DNAJC1: variants seen among roughly 807,000 people sequenced by gnomAD.
DNAJC1 encodes the protein DnaJ heat shock protein family (Hsp40) member C1.
DNAJC1 carries 58 observed loss-of-function variants against 76.6 expected under a neutral mutation model. The observed-to-expected ratio is 0.76, with a 90% CI of 0.61 to 0.94. The LOEUF is 0.94. Ranked by LOEUF, DNAJC1 falls within the 40% of genes least tolerant of loss-of-function variation. The pLI, the probability that DNAJC1 is intolerant of heterozygous loss-of-function variation, is 0.00. For synonymous variants in DNAJC1, 258 were observed against 267.9 expected, an observed-to-expected ratio of 0.96 and a Z score of 0.36; for missense variants, 689 against 677.3, an observed-to-expected ratio of 1.02 and a Z score of -0.19.
intron 1 of DNAJC1, among the ~76,000 whole-genome samples, chr10:21,953,799 G>T (rs1590064931): frequency 8.2e-6 from 1 of 121,486 alleles, no homozygotes; most frequent in African/African-American, 3.3e-5. Flanking sequence ...CCATCAAGTG[G>T]TAAAAAACTA....
At chr10:21,840,357 C>T (rs931738902) in intron 8 of DNAJC1, among the ~76,000 whole-genome samples, 18 of 152,258 alleles carry the variant, frequency 1.2e-4, no homozygotes, top group African/African-American at 4.1e-4. Context: ...AAAACCCCAT[C>T]GTCTCGGCCC....
intron 9 of DNAJC1, among the ~76,000 whole-genome samples, chr10:21,802,553 C>A (rs754799620): frequency 6.6e-6 from 1 of 152,112 alleles, no homozygotes; most frequent in African/African-American, 2.4e-5. Context: ...TATAACTACA[C>A]ACCCCTTACC....
chr10:21,791,876 A>C (rs960144931), intron 9 of DNAJC1, among the ~76,000 whole-genome samples: 1 of 152,166 alleles, frequency 6.6e-6, no homozygotes, highest in Non-Finnish European at 1.5e-5. Flanking sequence ...TAGAGTTCAG[A>C]GTAGAAATAA....
chr10:21,958,339 A>G (rs1837726875), intron 1 of DNAJC1, among the ~76,000 whole-genome samples: 1 of 152,102 alleles, frequency 6.6e-6, no homozygotes. Flanking sequence ...TTTTTAGTAC[A>G]TTTATATAGT....
At chr10:21,994,517 G>A (rs999695188) in intron 1 of DNAJC1, among the ~76,000 whole-genome samples, 2 of 152,068 alleles carry the variant, frequency 1.3e-5, no homozygotes, top group South Asian at 2.1e-4. Flanking sequence ...GGCCAGGCGC[G>A]GTGGCTCACA....
chr10:21,781,107 G>C (rs1834522511), intron 9 of DNAJC1, among the ~76,000 whole-genome samples: 1 of 152,130 alleles, frequency 6.6e-6, no homozygotes, highest in African/African-American at 2.4e-5. Context: ...AGTACTTAGA[G>C]ACATACAAAG....
intron 1 of DNAJC1, among the ~76,000 whole-genome samples, chr10:21,946,868 A>G (rs1454389791): frequency 2.0e-5 from 3 of 152,106 alleles, no homozygotes; most frequent in Admixed American, 6.6e-5. Context: ...CTAATGCAAC[A>G]ATGTTGGGAG....
chr10:21,807,904 A>C (rs1202388462), intron 8 of DNAJC1, among the ~76,000 whole-genome samples: 1 of 152,194 alleles, frequency 6.6e-6, no homozygotes, highest in Non-Finnish European at 1.5e-5. Flanking sequence ...TCTTTATTTA[A>C]GGAAAAAAGA....
chr10:21,809,251 T>TA (rs1201320061), intron 8 of DNAJC1, among the ~76,000 whole-genome samples: 1 of 151,938 alleles, frequency 6.6e-6, no homozygotes, highest in Admixed American at 6.6e-5. Context: ...ATGGCCAAAT[T>TA]AAAAAAAATT....
At position 21,817,550 on chromosome 10, in the gene DNAJC1, A is replaced by AG. The variant is rs1450238685; in HGVS notation, c.979-11452_979-11451insC. Among the ~76,000 whole-genome samples, 5 of 152,184 alleles carry AG rather than the reference A, an allele frequency of 3.3e-5. No homozygotes were observed. In the East Asian group the frequency reaches 9.6e-4, roughly 29 times the overall value. On this transcript the variant is annotated intron_variant, in intron 8 of 11. Coordinates refer to ENST00000376980, the MANE Select transcript of DNAJC1 (RefSeq NM_022365.4). ...TTTAAGATTAGGAAACCAGCAAAAAAAGATGTAATGATTTTCTTAAGACCT... is the reference window on the plus strand; with the variant it reads ...TTTAAGATTAGGAAACCAGCAAAAAAGAGATGTAATGATTTTCTTAAGACCT...
chr10:21,831,763 C>G (rs1271097240), intron 8 of DNAJC1, among the ~76,000 whole-genome samples: 2 of 137,538 alleles, frequency 1.5e-5, no homozygotes, highest in Non-Finnish European at 3.0e-5. Flanking sequence ...GCACTCCAGC[C>G]TGGGCGACAG....
chr10:21,959,155 C>T (rs1837743191), intron 1 of DNAJC1, among the ~76,000 whole-genome samples: 1 of 152,020 alleles, frequency 6.6e-6, no homozygotes, highest in Admixed American at 6.6e-5. Context: ...GATGGAGTCT[C>T]GCTCGGTTAC....
intron 9 of DNAJC1, among the ~76,000 whole-genome samples, chr10:21,793,818 T>C (rs2131635660): frequency 6.6e-6 from 1 of 152,188 alleles, no homozygotes; most frequent in Non-Finnish European, 1.5e-5. Flanking sequence ...TGGGCAGTGG[T>C]GGTCCATCCC....
chr10:21,922,432 A>T (rs1164923498), intron 3 of DNAJC1, among the ~76,000 whole-genome samples: 1 of 152,174 alleles, frequency 6.6e-6, no homozygotes, highest in African/African-American at 2.4e-5. Flanking sequence ...AGCAAAGGAC[A>T]TTAATTAGTA....
chr10:21,865,080 G>A (rs1257831968), intron 8 of DNAJC1, among the ~76,000 whole-genome samples: 1 of 152,136 alleles, frequency 6.6e-6, no homozygotes. Flanking sequence ...TGTAGGCCAG[G>A]ATGTGGAGCA....
chr10:21,991,958 G>C (rs781244208), intron 1 of DNAJC1, among the ~76,000 whole-genome samples: 10 of 152,222 alleles, frequency 6.6e-5, no homozygotes, highest in Non-Finnish European at 1.3e-4. Flanking sequence ...AAGTATAAAT[G>C]TAAAACATAC....
chr10:21,973,955 G>A (rs1044264988), intron 1 of DNAJC1, among the ~76,000 whole-genome samples: 3 of 151,090 alleles, frequency 2.0e-5, no homozygotes, highest in African/African-American at 7.3e-5. Flanking sequence ...ATACAAAATC[G>A]GCCGGACCTG....
intron 8 of DNAJC1, among the ~76,000 whole-genome samples, chr10:21,849,660 G>A (rs947173987): frequency 5.3e-5 from 8 of 152,116 alleles, no homozygotes; most frequent in African/African-American, 1.7e-4. Context: ...AAGACAGCAT[G>A]AGAAAAGAAA....
intron 1 of DNAJC1, among the ~76,000 whole-genome samples, chr10:21,987,311 C>T (rs1838264349): frequency 6.6e-6 from 1 of 152,106 alleles, no homozygotes; most frequent in South Asian, 2.1e-4. Flanking sequence ...CTGGACAGTA[C>T]AGCTCTAAAC....
Sources: allele counts gnomAD v4.1 joint callset (sites outside exome capture counted in the v4.1 genomes callset), GRCh38; gene constraint gnomAD v4.1.1; transcripts MANE v1.5; gene names NCBI Gene and HGNC (gene_info 2026-07-23, HGNC 2026-07-21).